The following SDC2 variants were observed in gnomAD, a reference collection of about 807,000 sequenced individuals.
SDC2 encodes the protein syndecan-2.
In SDC2, 13 loss-of-function variants were observed where a neutral mutation model predicts 22.2. That is an observed-to-expected ratio of 0.59 (90% CI 0.38 to 0.93). The LOEUF is 0.93. Among genes scored for constraint, SDC2 ranks in the 40% least tolerant of loss-of-function variants. The pLI is 0.00. For synonymous variants in SDC2, 94 were observed against 92.8 expected (o/e 1.01, Z -0.07); for missense variants, 235 against 246.8 (o/e 0.95, Z 0.32).
chr8:96,543,667 C>T (rs1025429846), intron 1 of SDC2, among the ~76,000 whole-genome samples: 1 of 152,126 alleles, frequency 6.6e-6, no homozygotes, highest in Admixed American at 6.5e-5. Context: ...CAGTCTTAGC[C>T]GCATCCTGTG....
At chr8:96,505,551 TG>T (rs886822700) in intron 1 of SDC2, among the ~76,000 whole-genome samples, 1 of 152,162 alleles carries the variant, frequency 6.6e-6, no homozygotes, top group Non-Finnish European at 1.5e-5. Context: ...CTCCCTGCCT[TG>T]GCCTCCCAAA....
intron 1 of SDC2, among the ~76,000 whole-genome samples, chr8:96,578,324 A>G (rs899134802): frequency 1.3e-5 from 2 of 152,200 alleles, no homozygotes; most frequent in African/African-American, 4.8e-5. Flanking sequence ...TTGAACTTAA[A>G]TTGATTGAAA....
intron 1 of SDC2, among the ~76,000 whole-genome samples, chr8:96,585,861 T>G (rs1814677510): frequency 3.4e-4 from 2 of 5,800 alleles, no homozygotes; most frequent in Non-Finnish European, 2.5e-3. Flanking sequence ...AGGTTTTTTT[T>G]TTTTTTTTTT....
Position 96,569,003 on chromosome 8 carries a change from C to T in SDC2, c.61-24477C>T, listed in dbSNP as rs539373047. On this transcript the variant is annotated intron_variant, in intron 1 of 4. Transcript: ENST00000302190. ...GAATGTAGAATGCTCACTGCTTCCT[C>T]CTCCTTGTTTTTGTGTTTGTTTTTG... 2.0e-5 allele frequency among the ~76,000 whole-genome samples: 3 copies of T among 152,194 alleles called. No individual in the cohort carries two copies. The South Asian group carries it at 6.2e-4, about 32-fold the overall frequency.
intron 1 of SDC2, among the ~76,000 whole-genome samples, chr8:96,587,548 A>G (rs1371735670): frequency 2.6e-5 from 4 of 152,142 alleles, no homozygotes; most frequent in Non-Finnish European, 4.4e-5. Context: ...GCTTGTTAGA[A>G]TTGGCGTTAC....
chr8:96,532,723 A>C (rs1050340241), intron 1 of SDC2, among the ~76,000 whole-genome samples: 2 of 152,008 alleles, frequency 1.3e-5, no homozygotes, highest in Admixed American at 1.3e-4. Context: ...GGCTGAGTGC[A>C]GCCCCTAGCC....
intron 1 of SDC2, among the ~76,000 whole-genome samples, chr8:96,534,125 G>A (rs941898117): frequency 3.3e-5 from 5 of 152,176 alleles, no homozygotes; most frequent in Non-Finnish European, 5.9e-5. Flanking sequence ...CCGAGCCCAC[G>A]CCCACCTGGA....
At chr8:96,552,603 A>G (rs1257930934) in intron 1 of SDC2, among the ~76,000 whole-genome samples, 1 of 152,168 alleles carries the variant, frequency 6.6e-6, no homozygotes, top group Non-Finnish European at 1.5e-5. Flanking sequence ...TTTTACTTAA[A>G]TTTTTTTAAC....
chr8:96,563,414 A>G (rs983825931), intron 1 of SDC2, among the ~76,000 whole-genome samples: 4 of 152,126 alleles, frequency 2.6e-5, no homozygotes, highest in Middle Eastern at 3.2e-3. Flanking sequence ...TTTGCTACCT[A>G]ACTAAGCTGA....
At chr8:96,529,478 G>GAGT (rs1324834101) in intron 1 of SDC2, among the ~76,000 whole-genome samples, 1 of 152,176 alleles carries the variant, frequency 6.6e-6, no homozygotes, top group Non-Finnish European at 1.5e-5. Context: ...AAAACTCCAT[G>GAGT]AGTACGAGTG....
chr8:96,588,367 C>CT (rs1025644990), intron 1 of SDC2, among the ~76,000 whole-genome samples: 7 of 152,160 alleles, frequency 4.6e-5, no homozygotes, highest in Non-Finnish European at 4.4e-5. Context: ...CTCTGAGTGA[C>CT]TGTGTGGGTG....
At chr8:96,557,434 AC>A (rs1814134191) in intron 1 of SDC2, among the ~76,000 whole-genome samples, 1 of 148,166 alleles carries the variant, frequency 6.7e-6, no homozygotes, top group Non-Finnish European at 1.5e-5. Context: ...ACCATGGAAT[AC>A]TATGCAGCCT....
intron 1 of SDC2, among the ~76,000 whole-genome samples, chr8:96,500,731 T>C (rs376248337): frequency 5.3e-5 from 8 of 152,064 alleles, no homozygotes; most frequent in African/African-American, 1.9e-4. Context: ...CTTTAGGTCT[T>C]ACTATTAAAA....
intron 3 of SDC2, among the ~76,000 whole-genome samples, chr8:96,603,357 T>C (rs1815025171): frequency 6.6e-6 from 1 of 152,156 alleles, no homozygotes; most frequent in Non-Finnish European, 1.5e-5. Context: ...TTAATTGAAT[T>C]GGTGGAGCAG....
intron 1 of SDC2, among the ~76,000 whole-genome samples, chr8:96,542,131 A>G (rs961008572): frequency 2.6e-5 from 4 of 152,124 alleles, no homozygotes; most frequent in Non-Finnish European, 5.9e-5. Context: ...TTCCCCTCCC[A>G]ATATGTAGTG....
chr8:96,516,199 C>T (rs1239390016), intron 1 of SDC2, among the ~76,000 whole-genome samples: 1 of 152,148 alleles, frequency 6.6e-6, no homozygotes, highest in East Asian at 1.9e-4. Context: ...TCTGTGGACC[C>T]CACCTCTCTG....
At chr8:96,553,821 G>A (rs558075677) in intron 1 of SDC2, among the ~76,000 whole-genome samples, 86 of 151,920 alleles carry the variant, frequency 5.7e-4, no homozygotes, top group Admixed American at 1.2e-3. Flanking sequence ...TGCCCAGGCT[G>A]GAGTACACTG....
At chr8:96,575,700 AG>A (rs111947913) in intron 1 of SDC2, among the ~76,000 whole-genome samples, 2,009 of 152,256 alleles carry the variant, frequency 0.013, 32 homozygotes, top group African/African-American at 0.03. Flanking sequence ...CAAGGAGGCA[AG>A]GTTTTGTTTC....
rs1230026506 is a variant in SDC2, at chr8:96,611,440, A to G, written c.*1892A>G. On this transcript the variant is annotated 3_prime_UTR_variant, in exon 5 of 5. Transcript: ENST00000302190. ...ATTCATTAAAAACATTTTTTTAAGC[A>G]ACACTTGGAACAGTGTTTACTTTAA... 6.6e-6 allele frequency: 1 copy of G among 152,628 alleles called. No individual in the cohort carries two copies. The highest frequency in any genetic ancestry group is 1.5e-5 in the Non-Finnish European group (1 of 68,026). 9.5% of individuals were successfully genotyped at this position (152,628 alleles called of 1,614,324 possible). A position where few individuals can be genotyped will look rare whatever the true frequency, so the allele number is the denominator to read the frequency against.
Sources: gnomAD v4.1 joint callset for allele counts (sites outside exome capture counted in the v4.1 genomes callset) on GRCh38, gnomAD v4.1.1 for gene constraint, MANE v1.5 for transcripts, NCBI Gene and HGNC (gene_info 2026-07-23, HGNC 2026-07-21) for gene names.